SSBP3: variants seen among roughly 807,000 people sequenced by gnomAD.
SSBP3 encodes single stranded DNA binding protein 3.
A neutral mutation model predicts 69.6 loss-of-function variants in SSBP3; 5 were observed. The observed-to-expected ratio is 0.07, with a 90% CI of 0.04 to 0.15. The LOEUF is 0.15. SSBP3 is among the 10% of genes least tolerant of loss of function. The probability of loss-of-function intolerance (pLI) is 1.00; values close to 1 mark genes in which losing one functional copy is unlikely to be tolerated. For synonymous variants in SSBP3, 196 were observed against 193.4 expected (o/e 1.01, Z -0.11); for missense variants, 312 against 534.0 (o/e 0.58, Z 4.10).
chr1:54,384,254 C>T (rs1647910280), intron 4 of SSBP3, among the ~76,000 whole-genome samples: 1 of 152,216 alleles, frequency 6.6e-6, no homozygotes, highest in Non-Finnish European at 1.5e-5. Context: ...ACATCTGAAG[C>T]TCCATCGATG....
At chr1:54,282,956 CT>C (rs1645423338) in intron 4 of SSBP3, among the ~76,000 whole-genome samples, 1 of 152,196 alleles carries the variant, frequency 6.6e-6, no homozygotes, top group African/African-American at 2.4e-5. Context: ...ACTCTCTTTC[CT>C]TTCATTGGCA....
At chr1:54,401,377 AACACACACAC>A (rs140889770) in intron 4 of SSBP3, among the ~76,000 whole-genome samples, 36 of 146,888 alleles carry the variant, frequency 2.5e-4, no homozygotes, top group African/African-American at 1.8e-4. Context: ...ACCCACACCA[AACACACACAC>A]ACACACACAC....
Position 54,227,268 on chromosome 1 carries a change from A to C in SSBP3, c.1138-108T>G. The C allele has an allele frequency of 4.1e-6, 3 of 736,724 alleles. No homozygotes were observed. In the East Asian group the frequency reaches 7.5e-5, roughly 18 times the overall value. The allele number at this position is 736,724 out of a possible 1,614,324, so 45.6% of individuals were successfully genotyped here. ...GACTGCACAGAACTGAGCAGGGCTC[A>C]TTTGGGGATGTGGTTGAGCTGAGGG... On this transcript the variant is annotated intron_variant, in intron 17 of 17. Coordinates refer to ENST00000610401, the Ensembl canonical transcript of SSBP3.
intron 4 of SSBP3, among the ~76,000 whole-genome samples, chr1:54,390,133 T>C (rs1304794155): frequency 6.6e-6 from 1 of 152,202 alleles, no homozygotes; most frequent in Non-Finnish European, 1.5e-5. Context: ...GAGGAATGCC[T>C]GTCCCCTACA....
chr1:54,265,338 ATG>A (rs1304330684), intron 5 of SSBP3, among the ~76,000 whole-genome samples: 1 of 151,718 alleles, frequency 6.6e-6, no homozygotes, highest in Non-Finnish European at 1.5e-5. Flanking sequence ...TAGGGTGTGT[ATG>A]TGTGTGTGTG....
intron 4 of SSBP3, among the ~76,000 whole-genome samples, chr1:54,363,643 A>G (rs1392992312): frequency 1.3e-5 from 2 of 152,178 alleles, no homozygotes; most frequent in Non-Finnish European, 2.9e-5. Context: ...CCCCTGCACC[A>G]TCATTTTTTT....
chr1:54,274,814 C>G (rs879866742), intron 5 of SSBP3, among the ~76,000 whole-genome samples: 1 of 152,146 alleles, frequency 6.6e-6, no homozygotes, highest in African/African-American at 2.4e-5. Context: ...TTAAGTCCTT[C>G]CTGTGTCTAT....
chr1:54,392,737 C>T (rs147135997), intron 4 of SSBP3, among the ~76,000 whole-genome samples: 8 of 152,208 alleles, frequency 5.3e-5, no homozygotes, highest in Admixed American at 5.2e-4. Context: ...GCATTCAAGA[C>T]CTGCAATAGG....
chr1:54,382,539 TAAAGAC>T (rs1647729736), intron 4 of SSBP3, among the ~76,000 whole-genome samples: 1 of 152,244 alleles, frequency 6.6e-6, no homozygotes, highest in Non-Finnish European at 1.5e-5. Flanking sequence ...GAATATCTGA[TAAAGAC>T]AAATATCTTT....
chr1:54,407,157 G>A (rs944969318), upstream of SSBP3, among the ~76,000 whole-genome samples: 1 of 152,170 alleles, frequency 6.6e-6, no homozygotes, highest in Non-Finnish European at 1.5e-5. Context: ...GGAGCCGGGG[G>A]GGAGGGGGGC....
intron 2 of SSBP3, 102 bp from the exon 3 acceptor site, chr1:54,404,739 C>T: frequency 3.5e-6 from 5 of 1,424,674 alleles, no homozygotes; most frequent in African/African-American, 1.5e-5. Flanking sequence ...CAATAAATGC[C>T]AAAAGGTGAT....
intron 4 of SSBP3, among the ~76,000 whole-genome samples, chr1:54,399,648 G>A (rs1364670658): frequency 6.6e-6 from 1 of 151,284 alleles, no homozygotes; most frequent in Non-Finnish European, 1.5e-5. Context: ...AGAGAGGAAT[G>A]CATTCCAGGC....
At chr1:54,353,314 CA>C (rs1425287559) in intron 4 of SSBP3, among the ~76,000 whole-genome samples, 1 of 152,176 alleles carries the variant, frequency 6.6e-6, no homozygotes, top group Non-Finnish European at 1.5e-5. Flanking sequence ...GGCCAAAATC[CA>C]AGCTGAAAGG....
intron 4 of SSBP3, among the ~76,000 whole-genome samples, chr1:54,350,326 T>G (rs1347724097): frequency 6.6e-6 from 1 of 152,214 alleles, no homozygotes; most frequent in African/African-American, 2.4e-5. Context: ...CCTGAATGCT[T>G]CTTTTTGAAA....
intron 9 of SSBP3, among the ~76,000 whole-genome samples, chr1:54,248,970 G>A (rs564942171): frequency 1.3e-5 from 2 of 152,278 alleles, no homozygotes; most frequent in South Asian, 2.1e-4. Context: ...CCCTCCCGCT[G>A]GAGACACTCC....
chr1:54,302,048 T>C (rs910169018), intron 4 of SSBP3, among the ~76,000 whole-genome samples: 3 of 142,988 alleles, frequency 2.1e-5, no homozygotes, highest in African/African-American at 7.5e-5. Context: ...GGCGGCTGGG[T>C]GGGGGTGGGG....
At chr1:54,387,792 T>C (rs1648197537) in intron 4 of SSBP3, among the ~76,000 whole-genome samples, 1 of 152,324 alleles carries the variant, frequency 6.6e-6, no homozygotes, top group South Asian at 2.1e-4. Flanking sequence ...CTCTCCACCA[T>C]GACCCCAACT....
chr1:54,249,284 T>TA (rs1644785492), intron 9 of SSBP3, among the ~76,000 whole-genome samples: 1 of 152,118 alleles, frequency 6.6e-6, no homozygotes, highest in Admixed American at 6.5e-5. Context: ...AAGAAGAAAT[T>TA]AAAAGCAATC....
intron 4 of SSBP3, among the ~76,000 whole-genome samples, chr1:54,355,495 C>T (rs896258714): frequency 2.6e-5 from 4 of 152,160 alleles, no homozygotes; most frequent in African/African-American, 9.7e-5. Context: ...AGTACAGGCA[C>T]GTGCCACCAT....
Sources: allele counts gnomAD v4.1 joint callset (sites outside exome capture counted in the v4.1 genomes callset), GRCh38; gene constraint gnomAD v4.1.1; transcripts MANE v1.5; gene names NCBI Gene and HGNC (gene_info 2026-07-23, HGNC 2026-07-21).